MEF2A: variants seen among roughly 807,000 people sequenced by gnomAD.
The protein encoded by MEF2A is myocyte-specific enhancer factor 2A.
In MEF2A, 28 loss-of-function variants were observed where a neutral mutation model predicts 55.8. The ratio of observed to expected loss-of-function variants is 0.50; its 90% CI spans 0.37 to 0.69. The LOEUF is 0.69. MEF2A is among the 30% of genes least tolerant of loss of function. The probability of loss-of-function intolerance (pLI) is 0.00; values close to 1 mark genes in which losing one functional copy is unlikely to be tolerated. For synonymous variants in MEF2A, 239 were observed against 227.1 expected, an observed-to-expected ratio of 1.05 and a Z score of -0.47; for missense variants, 528 against 626.2, an observed-to-expected ratio of 0.84 and a Z score of 1.67.
intron 2 of MEF2A, among the ~76,000 whole-genome samples, chr15:99,625,041 A>C (rs2041842556): frequency 6.6e-6 from 1 of 152,206 alleles, no homozygotes; most frequent in Admixed American, 6.5e-5. Flanking sequence ...TTGCTGAACT[A>C]GACTAATGTA....
In MEF2A at chr15:99,716,477, G is replaced by A. The variant is rs926885675; in HGVS notation, c.*3706G>A. On this transcript the variant is annotated 3_prime_UTR_variant, in exon 12 of 12. Coordinates refer to ENST00000557942, the MANE Select transcript of MEF2A (RefSeq NM_001319206.4). ...CACTCACTCCAGTAAAGACGGACTGGCTCTTCCTGTGCGTCGAGACTCTGT... is the reference window on the plus strand; with the variant it reads ...CACTCACTCCAGTAAAGACGGACTGACTCTTCCTGTGCGTCGAGACTCTGT... 8.8e-6 allele frequency: 4 copies of A among 456,822 alleles called. No individual in the cohort carries two copies. The highest frequency in any genetic ancestry group is 1.8e-5 in the Non-Finnish European group (4 of 227,000). 28.3% of individuals were successfully genotyped at this position (456,822 alleles called of 1,614,324 possible).
chr15:99,572,351 C>G (rs1248261812), intron 1 of MEF2A, among the ~76,000 whole-genome samples: 1 of 152,220 alleles, frequency 6.6e-6, no homozygotes, highest in Non-Finnish European at 1.5e-5. Context: ...TGGCCCAAAT[C>G]TCACTTCTCA....
chr15:99,579,335 G>A (rs2152829858), intron 1 of MEF2A, among the ~76,000 whole-genome samples: 2 of 151,244 alleles, frequency 1.3e-5, no homozygotes, highest in Admixed American at 1.3e-4. Context: ...GGAGGGTGGG[G>A]CAGGGTTCCT....
chr15:99,654,581 AG>A (rs58878451), intron 4 of MEF2A, among the ~76,000 whole-genome samples: 34 of 148,636 alleles, frequency 2.3e-4, no homozygotes, highest in African/African-American at 5.5e-4. Context: ...TTAAAAAAAA[AG>A]GGGGGGGTAT....
At chr15:99,689,108 C>T (rs1269983636) in intron 7 of MEF2A, among the ~76,000 whole-genome samples, 3 of 152,194 alleles carry the variant, frequency 2.0e-5, no homozygotes, top group Non-Finnish European at 4.4e-5. Context: ...GAGCATATAT[C>T]ACAATGTGCA....
At chr15:99,602,651 GGGGTGT>G (rs1313163134) in intron 2 of MEF2A, among the ~76,000 whole-genome samples, 9 of 98,900 alleles carry the variant, frequency 9.1e-5, no homozygotes, top group African/African-American at 2.9e-4. Context: ...TGACATTCCT[GGGGTGT>G]GTGTGTGTGT....
chr15:99,571,411 C>T lies in MEF2A; in HGVS notation c.-225+5307C>T, dbSNP rs537192172. Among the ~76,000 whole-genome samples the T allele has an allele frequency of 5.5e-4, 83 of 152,196 alleles. 2 individuals are homozygous for T. In the South Asian group the frequency reaches 0.016, roughly 30 times the overall value. ...TAAAGTGCAGTGCCTGGTATATAACCTGCATTAATTTTCCTCCTACCATTA... is the reference window on the plus strand; with the variant it reads ...TAAAGTGCAGTGCCTGGTATATAACTTGCATTAATTTTCCTCCTACCATTA... On this transcript the variant is annotated intron_variant, in intron 1 of 11. Transcript: ENST00000557942.
At chr15:99,566,574 G>C (rs1402990038) in intron 1 of MEF2A, 1 of 152,224 alleles carries the variant, frequency 6.6e-6, no homozygotes, top group Admixed American at 6.5e-5. Flanking sequence ...GAAAGTTGAA[G>C]GAGTTCTCGG....
At chr15:99,665,985 G>C (rs912553482) in intron 4 of MEF2A, among the ~76,000 whole-genome samples, 9 of 152,266 alleles carry the variant, frequency 5.9e-5, no homozygotes, top group African/African-American at 1.9e-4. Flanking sequence ...TTATACTGCT[G>C]GTGGGAGTGT....
Position 99,641,703 on chromosome 15 carries a change from G to A in MEF2A, c.55-3858G>A, listed in dbSNP as rs144820170. Among the ~76,000 whole-genome samples, 459 of 152,222 alleles carry A rather than the reference G, an allele frequency of 3.0e-3. 4 individuals are homozygous for A. Among genetic ancestry groups the A allele is most frequent in the African/African-American group, 0.01 (428 of 41,516 alleles). ...GTGCCACTTGCACTCCAGCCTGGGC[G>A]ACAGAGTGAGACTCTGTCTTAAAAA... is the stretch of plus-strand genomic sequence containing the variant. On this transcript the variant is annotated intron_variant, in intron 3 of 11. Coordinates refer to ENST00000557942, the MANE Select transcript of MEF2A (RefSeq NM_001319206.4).
Position 99,601,202 on chromosome 15 carries a change from T to C in MEF2A, c.-143+2691T>C, listed in dbSNP as rs147527259. Among the ~76,000 whole-genome samples the C allele has an allele frequency of 3.0e-3, 457 of 152,328 alleles. 3 individuals carry two copies. The highest frequency in any genetic ancestry group is 0.01 in the African/African-American group (428 of 41,584). ...AGTTTCCAATTGATTGATGCTAGTCTACAGAGATAGAATTGATTTTTATAT... is the reference window on the plus strand; with the variant it reads ...AGTTTCCAATTGATTGATGCTAGTCCACAGAGATAGAATTGATTTTTATAT... On this transcript the variant is annotated intron_variant, in intron 2 of 11. Coordinates refer to ENST00000557942, the MANE Select transcript of MEF2A (RefSeq NM_001319206.4).
intron 4 of MEF2A, among the ~76,000 whole-genome samples, chr15:99,648,072 A>T (rs2046268164): frequency 6.6e-6 from 1 of 152,170 alleles, no homozygotes; most frequent in African/African-American, 2.4e-5. Context: ...CTATGGTTCA[A>T]ATTAAATTTA....
chr15:99,622,648 G>A (rs563850312), intron 2 of MEF2A, among the ~76,000 whole-genome samples: 6 of 151,218 alleles, frequency 4.0e-5, no homozygotes, highest in African/African-American at 1.5e-4. Context: ...TAAATAAATA[G>A]ACATTATTGC....
At chr15:99,685,870 G>C (rs1464006090) in intron 7 of MEF2A, among the ~76,000 whole-genome samples, 1 of 152,116 alleles carries the variant, frequency 6.6e-6, no homozygotes, top group Non-Finnish European at 1.5e-5. Flanking sequence ...ATTTGGAATG[G>C]TAAAATAAGA....
intron 10 of MEF2A, among the ~76,000 whole-genome samples, chr15:99,709,068 A>G (rs28450128): frequency 0.011 from 1,688 of 152,292 alleles, 30 homozygotes; most frequent in African/African-American, 0.038. Context: ...TCTTTGCTGT[A>G]TATAGGGTTA....
chr15:99,689,712 C>G (rs1179158689), intron 7 of MEF2A, among the ~76,000 whole-genome samples: 1 of 152,188 alleles, frequency 6.6e-6, no homozygotes, highest in African/African-American at 2.4e-5. Flanking sequence ...AACACCTGAC[C>G]TCAAGTGATT....
intron 4 of MEF2A, among the ~76,000 whole-genome samples, chr15:99,663,572 CTA>C (rs2049046285): frequency 1.3e-5 from 2 of 151,506 alleles, no homozygotes; most frequent in Non-Finnish European, 2.9e-5. Context: ...TTATATTTAA[CTA>C]TTTTTTATAT....
intron 3 of MEF2A, among the ~76,000 whole-genome samples, chr15:99,637,617 C>T (rs555959491): frequency 6.6e-6 from 1 of 152,164 alleles, no homozygotes; most frequent in South Asian, 2.1e-4. Flanking sequence ...TTCCACATCC[C>T]AGCCAACACT....
intron 4 of MEF2A, among the ~76,000 whole-genome samples, chr15:99,655,449 C>G (rs1243803532): frequency 6.6e-6 from 1 of 152,016 alleles, no homozygotes; most frequent in Non-Finnish European, 1.5e-5. Flanking sequence ...GTCTTGAATA[C>G]CCAGCTGTGG....
Sources: allele counts gnomAD v4.1 joint callset (sites outside exome capture counted in the v4.1 genomes callset), GRCh38; gene constraint gnomAD v4.1.1; transcripts MANE v1.5; gene names NCBI Gene and HGNC (gene_info 2026-07-23, HGNC 2026-07-21).